The following PTPN2 variants were observed in gnomAD, a reference collection of about 807,000 sequenced individuals.
The protein encoded by PTPN2 is protein tyrosine phosphatase non-receptor type 2, also known as tyrosine-protein phosphatase non-receptor type 2.
Under a neutral mutation model 57.3 loss-of-function variants are expected in PTPN2, and 19 were observed. The ratio of observed to expected loss-of-function variants is 0.33; its 90% CI spans 0.23 to 0.49. The LOEUF (loss-of-function observed/expected upper bound fraction) is 0.49, where lower values mean the gene tolerates loss of function less well. PTPN2 is among the 20% of genes least tolerant of loss of function. PTPN2 has a pLI of 0.99. For missense variants in PTPN2, 358 were observed against 501.1 expected (o/e 0.71, Z 2.73); for synonymous variants, 153 against 164.9 (o/e 0.93, Z 0.55).
At chr18:12,790,886 T>C (rs1480002087), downstream of PTPN2, among the ~76,000 whole-genome samples, 1 of 152,194 alleles carries the variant, frequency 6.6e-6, no homozygotes, top group Non-Finnish European at 1.5e-5. Flanking sequence ...GGTCATTCCT[T>C]GGTAGAAATA....
intron 2 of PTPN2, 71 bp downstream of exon 2, chr18:12,859,093 C>A (rs2043699075): frequency 5.2e-6 from 6 of 1,164,332 alleles, no homozygotes; most frequent in East Asian, 2.4e-5. Context: ...CCCAAGCCCT[C>A]CTTTTCACTA....
intron 4 of PTPN2, among the ~76,000 whole-genome samples, chr18:12,828,691 T>C (rs1219641331): frequency 1.3e-5 from 2 of 152,190 alleles, no homozygotes; most frequent in African/African-American, 4.8e-5. Context: ...TATCTTAACA[T>C]ATGCATATTG....
At chr18:12,808,775 T>C (rs2041786168) in intron 7 of PTPN2, among the ~76,000 whole-genome samples, 1 of 152,212 alleles carries the variant, frequency 6.6e-6, no homozygotes, top group Non-Finnish European at 1.5e-5. Flanking sequence ...AGACTCCGTC[T>C]CAAAAGAACC....
intron 3 of PTPN2, 142 bp downstream of exon 3, chr18:12,836,649 A>G (rs2042876063): frequency 5.0e-6 from 3 of 595,684 alleles, no homozygotes; most frequent in Admixed American, 3.3e-5. Flanking sequence ...TATAATGTCC[A>G]TAATTCATTA....
chr18:12,882,454 A>G (rs995867087), intron 1 of PTPN2, among the ~76,000 whole-genome samples: 2 of 152,264 alleles, frequency 1.3e-5, no homozygotes, highest in African/African-American at 4.8e-5. Flanking sequence ...AATGATACCA[A>G]AGAAAATTAA....
chr18:12,815,209 T>C (rs969939747), intron 6 of PTPN2, among the ~76,000 whole-genome samples: 1 of 151,562 alleles, frequency 6.6e-6, no homozygotes, highest in Admixed American at 6.6e-5. Flanking sequence ...GTCAAGAGAT[T>C]GAGACCTTCC....
chr18:12,809,086 G>A (rs1423171094), intron 7 of PTPN2, among the ~76,000 whole-genome samples: 2 of 152,300 alleles, frequency 1.3e-5, no homozygotes, highest in African/African-American at 4.8e-5. Context: ...AGCAGCTCCA[G>A]GCAGCTGGCT....
intron 2 of PTPN2, among the ~76,000 whole-genome samples, chr18:12,846,153 G>A (rs76381584): frequency 0.011 from 1,682 of 152,282 alleles, 21 homozygotes; most frequent in African/African-American, 0.039. Flanking sequence ...TTATCGGGTG[G>A]TTCAGGATTC....
In PTPN2 at chr18:12,873,915, T is replaced by C. The variant is rs1417548525; in HGVS notation, c.69+10158A>G. The stretch of plus-strand genomic sequence containing the variant: ...TTGCCCCGCCGCCCCGTCTGGGATG[T>C]GAGGAGCGCCTCTGCCCGGTCGCGA... On this transcript the variant is annotated intron_variant, in intron 1 of 8. Transcript: ENST00000309660. Among the ~76,000 whole-genome samples the C allele has an allele frequency of 2.7e-5, 4 of 146,238 alleles. No individual in the cohort carries two copies. In the East Asian group the frequency reaches 8.0e-4, roughly 29 times the overall value.
chr18:12,794,554 G>A (rs2145219755), intron 8 of PTPN2, 69 bp from the exon 9 acceptor site: 10 of 1,549,044 alleles, frequency 6.5e-6, no homozygotes, highest in Non-Finnish European at 8.7e-6. Flanking sequence ...TAACACAGAG[G>A]ACCTAGGCGC....
chr18:12,872,077 A>G (rs1362147270), intron 1 of PTPN2, among the ~76,000 whole-genome samples: 2 of 149,506 alleles, frequency 1.3e-5, no homozygotes, highest in Admixed American at 6.7e-5. Flanking sequence ...CAAAAAAACA[A>G]AAACAAATAA....
chr18:12,874,703 C>T (rs1161038225), intron 1 of PTPN2, among the ~76,000 whole-genome samples: 3 of 150,386 alleles, frequency 2.0e-5, no homozygotes, highest in Admixed American at 2.0e-4. Flanking sequence ...ACCCCTCGCC[C>T]GGCCAGCCGC....
rs72872132 is a variant in PTPN2, at chr18:12,881,682, A to G, written c.69+2391T>C. Among the ~76,000 whole-genome samples the G allele has an allele frequency of 6.5e-3, 991 of 152,218 alleles. 7 individuals carry two copies. Among genetic ancestry groups the G allele is most frequent in the Non-Finnish European group, 0.01 (691 of 67,998 alleles). On this transcript the variant is annotated intron_variant, in intron 1 of 8. Transcript: ENST00000309660. ...CTCCCTTGTCCTCTTCCCCTGGCCA[A>G]TGTCTTTCAAGACTTAGGTGAGGTC...
In PTPN2 at chr18:12,807,586, AAT is replaced by A. The variant is rs1339941310; in HGVS notation, c.859-5437_859-5436del. On this transcript the variant is annotated intron_variant, in intron 7 of 8. Transcript: ENST00000309660. ...AAATGTGGAAAAAAAAAAAAAAAAA[AAT>A]ATATATATATATATATAATATAATA... is the stretch of plus-strand genomic sequence containing the variant. 7.7e-4 allele frequency among the ~76,000 whole-genome samples: 27 copies of A among 35,196 alleles called. 1 individual carries two copies. Among genetic ancestry groups the A allele is most frequent in the East Asian group, 2.8e-3 (2 of 722 alleles). 23.1% of individuals were successfully genotyped at this position (35,196 alleles called of 152,430 possible).
downstream of PTPN2, among the ~76,000 whole-genome samples, chr18:12,791,298 C>T (rs2040977553): frequency 6.6e-6 from 1 of 152,062 alleles, no homozygotes; most frequent in African/African-American, 2.4e-5. Context: ...TTAAAAACTC[C>T]TGAAAATAAA....
chr18:12,806,789 C>T (rs902571251), intron 7 of PTPN2, among the ~76,000 whole-genome samples: 23 of 151,880 alleles, frequency 1.5e-4, no homozygotes, highest in African/African-American at 5.6e-4. Context: ...ATTAAAAAAT[C>T]AACTCAAAAT....
chr18:12,793,052 GGTATGCTATCCATAATAAT>G lies in PTPN2; in HGVS notation c.*1207_*1225del. On this transcript the variant is annotated 3_prime_UTR_variant, in exon 9 of 9. Transcript: ENST00000309660. ...CATAGTTTGAAAACCACTGAAATAA[GGTATGCTATCCATAATAAT>G]GTATGCTATCCATGCCTCCTAGCAA... The G allele has an allele frequency of 2.0e-6, 2 of 985,296 alleles. No individual in the cohort carries two copies. Among genetic ancestry groups the G allele is most frequent in the Non-Finnish European group, 2.4e-6 (2 of 829,902 alleles). 61.0% of individuals were successfully genotyped at this position (985,296 alleles called of 1,614,324 possible).
intron 5 of PTPN2, among the ~76,000 whole-genome samples, chr18:12,823,689 C>T (rs1460488911): frequency 6.6e-6 from 1 of 151,898 alleles, no homozygotes; most frequent in East Asian, 1.9e-4. Context: ...AATAGGGGAC[C>T]AGGAGAACTA....
At chr18:12,844,888 T>C (rs2043163616) in intron 2 of PTPN2, among the ~76,000 whole-genome samples, 2 of 152,226 alleles carry the variant, frequency 1.3e-5, no homozygotes, top group African/African-American at 4.8e-5. Context: ...CCATCTATGA[T>C]CTATCTTCAG....
Sources: gnomAD v4.1 joint callset for allele counts (sites outside exome capture counted in the v4.1 genomes callset) on GRCh38, gnomAD v4.1.1 for gene constraint, MANE v1.5 for transcripts, NCBI Gene and HGNC (gene_info 2026-07-23, HGNC 2026-07-21) for gene names.